ADAM9: variants seen among roughly 807,000 people sequenced by gnomAD.
The protein encoded by ADAM9 is disintegrin and metalloproteinase domain-containing protein 9.
In ADAM9, 54 loss-of-function variants were observed where a neutral mutation model predicts 108.1. The observed-to-expected ratio is 0.50, with a 90% CI of 0.40 to 0.63. The LOEUF is 0.63. ADAM9 is among the 20% of genes least tolerant of loss of function. The pLI, the probability that ADAM9 is intolerant of heterozygous loss-of-function variation, is 0.00. For missense variants in ADAM9, 830 were observed against 997.7 expected (o/e 0.83, Z 2.26); for synonymous variants, 316 against 336.0 (o/e 0.94, Z 0.65).
chr8:39,093,800 C>T (rs1356280573), intron 20 of ADAM9, among the ~76,000 whole-genome samples: 3 of 152,154 alleles, frequency 2.0e-5, no homozygotes, highest in Non-Finnish European at 4.4e-5. Context: ...GATAGAGTCT[C>T]GCTCTGTCAC....
At position 39,055,657 on chromosome 8, in the gene ADAM9, C is replaced by G; in HGVS notation, c.1476C>G (p.Phe492Leu). The change falls in exon 14 of 22, where the codon TTC becomes TTG. Residue 492 changes from phenylalanine (F) to leucine (L), a missense_variant. Coordinates refer to ENST00000487273, the MANE Select transcript of ADAM9 (RefSeq NM_003816.3). ...AGTACTGCAATGGTTCTTCTCAGTT[C>G]TGTCAGCCAGATGTTTTTATTCAGA... is the stretch of plus-strand genomic sequence containing the variant. ...VPEYCNGSSQ[F>L]CQPDVFIQNG... 1 of 1,613,782 alleles carries G rather than the reference C, an allele frequency of 6.2e-7. No homozygotes were observed. The highest frequency in any genetic ancestry group is 2.2e-5 in the East Asian group (1 of 44,860).
At chr8:39,001,667 G>T (rs562641817) in intron 1 of ADAM9, among the ~76,000 whole-genome samples, 3 of 151,988 alleles carry the variant, frequency 2.0e-5, no homozygotes, top group African/African-American at 7.2e-5. Flanking sequence ...TATGTTTGAA[G>T]GTAGTTTTTT....
intron 12 of ADAM9, among the ~76,000 whole-genome samples, chr8:39,048,418 C>T (rs924044946): frequency 3.3e-5 from 5 of 152,074 alleles, no homozygotes; most frequent in South Asian, 2.1e-4. Flanking sequence ...TTGCTAGTTT[C>T]ATCCATTTTG....
chr8:39,053,223 A>G (rs1838013904), intron 12 of ADAM9, among the ~76,000 whole-genome samples: 1 of 152,184 alleles, frequency 6.6e-6, no homozygotes, highest in Non-Finnish European at 1.5e-5. Context: ...TGTATTCTGT[A>G]TACAAGTTCT....
chr8:39,088,150 A>G (rs187276015), intron 18 of ADAM9, among the ~76,000 whole-genome samples: 238 of 152,312 alleles, frequency 1.6e-3, no homozygotes, highest in Admixed American at 0.011. Context: ...CAGGGGTGGC[A>G]GAAACACAAG....
chr8:39,025,801 A>G lies in ADAM9; in HGVS notation c.915-2A>G. The G allele has an allele frequency of 6.2e-7, 1 of 1,613,754 alleles. No homozygotes were observed. The highest frequency in any genetic ancestry group is 2.2e-5 in the East Asian group (1 of 44,866). ...TTTTTTAACTTTTACATTTTCATTT[A>G]GAAAGAAAGGTTTTGGTGGAACTGC... is the stretch of plus-strand genomic sequence containing the variant. On this transcript the variant is annotated splice_acceptor_variant, in intron 9 of 21. Transcript: ENST00000487273. LOFTEE classifies it high-confidence loss of function.
chr8:39,067,189 G>A (rs1487353593), intron 14 of ADAM9, among the ~76,000 whole-genome samples: 1 of 152,182 alleles, frequency 6.6e-6, no homozygotes, highest in Non-Finnish European at 1.5e-5. Context: ...GTAGTGTGAT[G>A]CCTCCAGCTT....
chr8:39,008,916 T>C (rs1836254151), intron 2 of ADAM9, among the ~76,000 whole-genome samples: 1 of 152,220 alleles, frequency 6.6e-6, no homozygotes, highest in Non-Finnish European at 1.5e-5. Flanking sequence ...TATAGAAGTA[T>C]AATTAAATTT....
Position 39,090,103 on chromosome 8 carries a change from C to T in ADAM9, c.2125C>T (p.Leu709Phe). ...LLVFFFLIVP[L>F]IVCAIFIFIK... ...GGTCTTCTTCTTCCTAATTGTTCCC[C>T]TTATTGTCTGTGCTATTTTTATCTT... is the stretch of plus-strand genomic sequence containing the variant. Residue 709 changes from leucine (L) to phenylalanine (F), a missense_variant, in exon 19 of 22, where the codon CTT (leucine) becomes TTT (phenylalanine). By Grantham distance (22) the Leu-to-Phe change is conservative (BLOSUM62 0). Coordinates refer to ENST00000487273, the MANE Select transcript of ADAM9 (RefSeq NM_003816.3). 3 of 1,613,834 alleles carry T rather than the reference C, an allele frequency of 1.9e-6. No homozygotes were observed. The highest frequency in any genetic ancestry group is 1.1e-5 in the South Asian group (1 of 91,066).
Position 39,023,342 on chromosome 8 carries a change from T to A in ADAM9, c.914+17T>A, listed in dbSNP as rs912628326. On this transcript the variant is annotated intron_variant, in intron 9 of 21. Coordinates refer to ENST00000487273, the MANE Select transcript of ADAM9 (RefSeq NM_003816.3). ...GCTAGTTCTGTAAGTATTTTTTTTT[T>A]AAGTACTATTAATGAAATAATCAAA... The A allele has an allele frequency of 1.9e-5, 30 of 1,594,638 alleles. No homozygotes were observed. Among genetic ancestry groups the A allele is most frequent in the African/African-American group, 1.6e-4 (12 of 73,826 alleles).
intron 14 of ADAM9, among the ~76,000 whole-genome samples, chr8:39,060,872 C>CT (rs537471266): frequency 2.0e-5 from 3 of 152,226 alleles, no homozygotes; most frequent in Non-Finnish European, 4.4e-5. Context: ...AAAGCAGCTG[C>CT]TTCTGGTAGG....
intron 2 of ADAM9, among the ~76,000 whole-genome samples, chr8:39,011,087 C>A: frequency 1.5e-5 from 2 of 135,580 alleles, no homozygotes; most frequent in African/African-American, 3.0e-5. Context: ...AGTGAGACTC[C>A]ATCTCAAAAA....
At chr8:39,016,469 G>C (rs189317410) in intron 5 of ADAM9, among the ~76,000 whole-genome samples, 1 of 152,208 alleles carries the variant, frequency 6.6e-6, no homozygotes, top group East Asian at 1.9e-4. Flanking sequence ...TTAAATTTCT[G>C]TAGCACTTTA....
At chr8:39,066,883 G>A (rs769526927) in intron 14 of ADAM9, among the ~76,000 whole-genome samples, 1 of 152,092 alleles carries the variant, frequency 6.6e-6, no homozygotes, top group East Asian at 1.9e-4. Flanking sequence ...GTATGATTTT[G>A]GGTCTAACAT....
chr8:39,004,878 C>T (rs373638333), intron 1 of ADAM9, among the ~76,000 whole-genome samples: 2 of 152,170 alleles, frequency 1.3e-5, no homozygotes, highest in South Asian at 2.1e-4. Flanking sequence ...ACTTTCCTCG[C>T]AGTCTTGGTT....
At chr8:39,065,249 C>T (rs1218321295) in intron 14 of ADAM9, among the ~76,000 whole-genome samples, 2 of 145,772 alleles carry the variant, frequency 1.4e-5, no homozygotes, top group Non-Finnish European at 1.5e-5. Context: ...GCAACTTCTT[C>T]AACTTTATCT....
At chr8:39,053,143 A>ATGAC (rs912206572) in intron 12 of ADAM9, among the ~76,000 whole-genome samples, 1 of 152,152 alleles carries the variant, frequency 6.6e-6, no homozygotes, top group Non-Finnish European at 1.5e-5. Context: ...TTATGGTGAT[A>ATGAC]TGACTGTTCA....
intron 8 of ADAM9, among the ~76,000 whole-genome samples, chr8:39,022,062 A>G (rs931889556): frequency 1.4e-5 from 2 of 138,836 alleles, no homozygotes; most frequent in Middle Eastern, 3.4e-3. Context: ...ATATGACAAT[A>G]TTTGTGTGTG....
At chr8:39,046,428 TC>T (rs1837776732) in intron 12 of ADAM9, among the ~76,000 whole-genome samples, 4 of 152,200 alleles carry the variant, frequency 2.6e-5, no homozygotes, top group Non-Finnish European at 5.9e-5. Flanking sequence ...CAGTTTTGCT[TC>T]ATTTCCGATT....
Sources: allele counts gnomAD v4.1 joint callset (sites outside exome capture counted in the v4.1 genomes callset), GRCh38; gene constraint gnomAD v4.1.1; transcripts MANE v1.5; gene names NCBI Gene and HGNC (gene_info 2026-07-23, HGNC 2026-07-21).